JAKMIP3: variants seen among roughly 807,000 people sequenced by gnomAD.
JAKMIP3 encodes the protein janus kinase and microtubule-interacting protein 3.
A neutral mutation model predicts 118.5 loss-of-function variants in JAKMIP3; 58 were observed. The observed-to-expected ratio is 0.49, with a 90% CI of 0.40 to 0.61. The LOEUF (loss-of-function observed/expected upper bound fraction) is 0.61, where lower values mean the gene tolerates loss of function less well. Among genes scored for constraint, JAKMIP3 ranks in the 20% least tolerant of loss-of-function variants. The probability of loss-of-function intolerance (pLI) is 0.00; values close to 1 mark genes in which losing one functional copy is unlikely to be tolerated. For synonymous variants in JAKMIP3, 486 were observed against 451.2 expected (o/e 1.08, Z -0.98); for missense variants, 950 against 1,109.0 (o/e 0.86, Z 2.04).
chr10:132,141,776 C>A, intron 10 of JAKMIP3, 144 bp from the exon 11 acceptor site: 1 of 901,646 alleles, frequency 1.1e-6, no homozygotes, highest in Non-Finnish European at 1.6e-6. Context: ...TGGAGCAGGT[C>A]CCCTCCCTCA....
chr10:132,083,118 A>G (rs1373808132), intron 1 of JAKMIP3, among the ~76,000 whole-genome samples: 1 of 152,234 alleles, frequency 6.6e-6, no homozygotes, highest in Non-Finnish European at 1.5e-5. Context: ...ACTGTTTTCC[A>G]TAGTGGCTGT....
intron 23 of JAKMIP3, among the ~76,000 whole-genome samples, chr10:132,176,108 A>G (rs1398006467): frequency 6.6e-6 from 1 of 152,210 alleles, no homozygotes; most frequent in African/African-American, 2.4e-5. Context: ...GTGCCTCACC[A>G]TGTTCCCTGC....
At chr10:132,170,648 G>A (rs902401462) in intron 23 of JAKMIP3, among the ~76,000 whole-genome samples, 5 of 152,186 alleles carry the variant, frequency 3.3e-5, no homozygotes, top group African/African-American at 7.2e-5. Flanking sequence ...TGCTCCCAGC[G>A]TGTGTCCATG....
intron 2 of JAKMIP3, among the ~76,000 whole-genome samples, chr10:132,115,276 G>C (rs999993006): frequency 2.8e-5 from 4 of 145,134 alleles, no homozygotes; most frequent in African/African-American, 9.8e-5. Flanking sequence ...CGCGATCGCG[G>C]CTAGGGGTCA....
chr10:132,152,852 CG>C, intron 16 of JAKMIP3, 105 bp from the exon 17 acceptor site: 1 of 827,670 alleles, frequency 1.2e-6, no homozygotes, highest in East Asian at 2.7e-5. Context: ...CCCACCCAGG[CG>C]TCCCCAGTCA....
Position 132,150,000 on chromosome 10 carries a change from C to G in JAKMIP3, c.1966C>G (p.Leu656Val). ...GCCTTAGGACATTGTGGTTGCGGAG[C>G]TGATGAAGAAGCTGGACATCCTGGG... Reference protein sequence around the residue: ...EGVTDIVVAELMKKLDILGDN... With the variant: ...EGVTDIVVAEVMKKLDILGDN... The change falls in exon 16 of 24, where the codon CTG becomes GTG. Residue 656 changes from leucine (L) to valine (V), a missense_variant. Leu to Val is a conservative substitution (Grantham distance 32, BLOSUM62 1). Coordinates refer to ENST00000684848, the MANE Select transcript of JAKMIP3 (RefSeq NM_001323087.2). 6.3e-7 allele frequency: 1 copy of G among 1,586,046 alleles called. No individual in the cohort carries two copies. The highest frequency in any genetic ancestry group is 8.5e-7 in the Non-Finnish European group (1 of 1,171,194).
chr10:132,180,646 C>CGTGTGT (rs1187732479), intron 23 of JAKMIP3, among the ~76,000 whole-genome samples: 1 of 8,314 alleles, frequency 1.2e-4, no homozygotes, highest in African/African-American at 6.1e-4. Flanking sequence ...TGCGTGTGTG[C>CGTGTGT]GTGTGCGTGT....
Position 132,180,746 on chromosome 10 carries a change from C to CGTGTGTGTGCGCGTGTGT in JAKMIP3, c.*1104-1610_*1104-1609insTGTGTGTGCGCGTGTGTG, listed in dbSNP as rs1386218178. On this transcript the variant is annotated intron_variant, in intron 23 of 23. Coordinates refer to ENST00000684848, the MANE Select transcript of JAKMIP3 (RefSeq NM_001323087.2). ...GTGTGTGTGCGTGTGTGCGTGCGTG[C>CGTGTGTGTGCGCGTGTGT]GCGCGCGTGTGTGCGTGTGTGTGCG... Among the ~76,000 whole-genome samples the CGTGTGTGTGCGCGTGTGT allele has an allele frequency of 1.4e-3, 15 of 10,744 alleles. 4 individuals are homozygous for CGTGTGTGTGCGCGTGTGT. Among genetic ancestry groups the CGTGTGTGTGCGCGTGTGT allele is most frequent in the African/African-American group, 4.3e-3 (15 of 3,458 alleles). 7.0% of individuals were successfully genotyped at this position (10,744 alleles called of 152,430 possible). A position where few individuals can be genotyped will look rare whatever the true frequency, so the allele number is the denominator to read the frequency against.
chr10:132,135,904 CA>C, intron 5 of JAKMIP3, 25 bp from the exon 6 acceptor site: 2 of 1,601,166 alleles, frequency 1.2e-6, no homozygotes, highest in South Asian at 2.2e-5. Flanking sequence ...ACTTAAAGAA[CA>C]ATCACATAGT....
In JAKMIP3 at chr10:132,147,968, C is replaced by T. The variant is rs138739966; in HGVS notation, c.1766C>T (p.Thr589Met). ...ELVEKIKQMETEEARLRHEVQ... is the reference protein window; with the variant it reads ...ELVEKIKQMEMEEARLRHEVQ... The stretch of plus-strand genomic sequence containing the variant: ...ATGTTGCAGATCAAACAAATGGAGA[C>T]GGAAGAGGCTCGGCTCAGACACGAG... Residue 589 changes from threonine (T) to methionine (M), a missense_variant, in exon 14 of 24, where the codon ACG becomes ATG. Transcript: ENST00000684848. 2.6e-5 allele frequency: 41 copies of T among 1,607,776 alleles called. No homozygotes were observed. Among genetic ancestry groups the T allele is most frequent in the South Asian group, 8.8e-5 (8 of 90,420 alleles).
chr10:132,152,189 TC>T lies in JAKMIP3; in HGVS notation c.2008-763del, dbSNP rs150270453. Among the ~76,000 whole-genome samples the T allele has an allele frequency of 2.4e-4, 36 of 152,122 alleles. No individual in the cohort carries two copies. In the East Asian group the frequency reaches 6.8e-3, roughly 29 times the overall value. On this transcript the variant is annotated intron_variant, in intron 16 of 23. Transcript: ENST00000684848. ...CCATGGACTACAGACTGAGCCTGAC[TC>T]CCCCCTGTGGGAGACCCTGTGCAGA...
intron 1 of JAKMIP3, among the ~76,000 whole-genome samples, chr10:132,041,555 G>A (rs2037749609): frequency 6.6e-6 from 1 of 152,266 alleles, no homozygotes; most frequent in Non-Finnish European, 1.5e-5. Flanking sequence ...CTGGTGTTGG[G>A]AGTATGGGAG....
chr10:132,114,360 G>T (rs995342169), intron 2 of JAKMIP3, among the ~76,000 whole-genome samples: 1 of 152,196 alleles, frequency 6.6e-6, no homozygotes, highest in African/African-American at 2.4e-5. Context: ...GACTACAGGC[G>T]TGCATCACTG....
chr10:132,147,679 C>T (rs557020629), intron 13 of JAKMIP3, among the ~76,000 whole-genome samples: 1 of 152,260 alleles, frequency 6.6e-6, no homozygotes, highest in Admixed American at 6.5e-5. Context: ...GTCCAGGGGC[C>T]ACCCAAGCTC....
rs199961609 is a variant in JAKMIP3 at position 132,144,827 on chromosome 10, G to A, written c.1603-280G>A. On this transcript the variant is annotated intron_variant, in intron 11 of 23. Transcript: ENST00000684848. The stretch of plus-strand genomic sequence containing the variant: ...ACCTGTGGTCCCAGTTACTCAGGAT[G>A]GTGAGGTGGGAGGATCACTTGAGCT... 7.4e-5 allele frequency: 26 copies of A among 350,326 alleles called. No individual in the cohort carries two copies. In the East Asian group the frequency reaches 1.5e-3, roughly 20 times the overall value. 21.7% of individuals were successfully genotyped at this position (350,326 alleles called of 1,614,324 possible).
chr10:132,113,976 T>C (rs892011211), intron 2 of JAKMIP3, among the ~76,000 whole-genome samples: 4 of 152,372 alleles, frequency 2.6e-5, no homozygotes, highest in Admixed American at 2.6e-4. Context: ...TGTAGAGCTT[T>C]GCTTTGTTCT....
At chr10:132,115,201 TCGCGGC>T (rs2047441460) in intron 2 of JAKMIP3, among the ~76,000 whole-genome samples, 2 of 99,254 alleles carry the variant, frequency 2.0e-5, no homozygotes, top group Non-Finnish European at 4.3e-5. Context: ...GTCACCGCGA[TCGCGGC>T]TAGGGGTCAC....
chr10:132,050,478 A>G (rs1170636911), intron 1 of JAKMIP3, among the ~76,000 whole-genome samples: 2 of 151,984 alleles, frequency 1.3e-5, no homozygotes, highest in East Asian at 3.9e-4. Context: ...GAGCGGGAGG[A>G]TGTGGGGCCT....
At chr10:132,043,286 C>A (rs532320198) in intron 1 of JAKMIP3, among the ~76,000 whole-genome samples, 1 of 152,080 alleles carries the variant, frequency 6.6e-6, no homozygotes, top group Non-Finnish European at 1.5e-5. Flanking sequence ...CTCACTGCAG[C>A]CTTGACCTCC....
Sources: gnomAD v4.1 joint callset for allele counts (sites outside exome capture counted in the v4.1 genomes callset) on GRCh38, gnomAD v4.1.1 for gene constraint, MANE v1.5 for transcripts, NCBI Gene and HGNC (gene_info 2026-07-23, HGNC 2026-07-21) for gene names.